SZT2: variants seen among roughly 807,000 people sequenced by gnomAD.
SZT2 encodes the protein KICSTOR complex protein SZT2.
In SZT2, 216 loss-of-function variants were observed where a neutral mutation model predicts 404.2. The ratio of observed to expected loss-of-function variants is 0.53; its 90% CI spans 0.48 to 0.60. The LOEUF (loss-of-function observed/expected upper bound fraction) is 0.60. Ranked by LOEUF, SZT2 falls within the 20% of genes least tolerant of loss-of-function variation. The probability of loss-of-function intolerance (pLI) is 0.00; values close to 1 mark genes in which losing one functional copy is unlikely to be tolerated. For synonymous variants in SZT2, 1,693 were observed against 1,749.9 expected (o/e 0.97, Z 0.81); for missense variants, 3,857 against 4,459.2 (o/e 0.86, Z 3.85).
rs1174635695 is a variant in SZT2 at position 43,446,392 on chromosome 1, A to C, written c.9048A>C (p.Pro3016=). The change falls in exon 65 of 72, where the codon CCA becomes CCC. Residue 3016 remains proline, a synonymous_variant. Transcript: ENST00000634258. ...KQFALECSRI[P]MGQAVNSQLS... ...TTGCCCTGGAATGTTCCCGAATCCC[A>C]ATGGGGCAGGCTGTCAACTCACAGG... is the stretch of plus-strand genomic sequence containing the variant. The C allele has an allele frequency of 6.2e-7, 1 of 1,614,262 alleles. No individual in the cohort carries two copies. Among genetic ancestry groups the C allele is most frequent in the South Asian group, 1.1e-5 (1 of 91,092 alleles).
rs577842594 is a variant in SZT2 at position 43,419,857 on chromosome 1, A to C, written c.1003A>C (p.Asn335His). ...LSTCPEPEPG[N>H]LGLTVYHRAF... is the part of the protein sequence containing the mutation. ...CACTTGTCCTGAGCCGGAGCCAGGC[A>C]ACCTGGGTCTGACTGTCTACCACCG... Residue 335 changes from asparagine (N) to histidine (H), a missense_variant, in exon 8 of 72, where the codon AAC (asparagine) becomes CAC (histidine). Transcript: ENST00000634258. 12 of 1,598,332 alleles carry C rather than the reference A, an allele frequency of 7.5e-6. No homozygotes were observed. The East Asian group carries it at 2.7e-4, about 36-fold the overall frequency.
At chr1:43,449,702 G>T in intron 70 of SZT2, 1 of 295,392 alleles carries the variant, frequency 3.4e-6, no homozygotes, top group Non-Finnish European at 6.7e-6. Context: ...AAATCATCCC[G>T]GGATGGATCA....
intron 4 of SZT2, among the ~76,000 whole-genome samples, chr1:43,414,050 G>C (rs1021539188): frequency 6.6e-6 from 1 of 152,132 alleles, no homozygotes; most frequent in South Asian, 2.1e-4. Context: ...GGGAGGCTGA[G>C]GTGGGTGGAT....
In SZT2 at chr1:43,448,686, C is replaced by T. The variant is rs769107159; in HGVS notation, c.10044C>T (p.Ser3348=). 1.2e-6 allele frequency: 2 copies of T among 1,614,238 alleles called. No individual in the cohort carries two copies. Among genetic ancestry groups the T allele is most frequent in the African/African-American group, 2.7e-5 (2 of 75,062 alleles). ...IKVLLSRFPQ[S]CRHFQSPDLG... ...TTCTCCTAAGCCGCTTCCCCCAGAG[C>T]TGTCGCCATTTCCAAAGCCCAGACT... The change falls in exon 70 of 72, where the codon AGC becomes AGT. Residue 3348 remains serine (S), a synonymous_variant. Transcript: ENST00000634258. The surrounding 1 kb of genome is among the most constrained non-coding windows in gnomAD (Gnocchi z 4.2).
At chr1:43,395,062 A>G (rs1214299357) in intron 1 of SZT2, among the ~76,000 whole-genome samples, 9 of 152,194 alleles carry the variant, frequency 5.9e-5, no homozygotes, top group African/African-American at 2.2e-4. Flanking sequence ...GAGTCAGTCC[A>G]TCATTCAAAA....
rs1656557601 is a variant in SZT2, at chr1:43,452,526, C to G, written c.*2046C>G. On this transcript the variant is annotated 3_prime_UTR_variant, in exon 72 of 72. Coordinates refer to ENST00000634258, the MANE Select transcript of SZT2 (RefSeq NM_001365999.1). ...CCTTTCCCAGACATCTCAGTGTCCA[C>G]CCACCGCCTCCTGCCTCCAGTACTT... 1.5e-6 allele frequency: 1 copy of G among 664,104 alleles called. No homozygotes were observed. The highest frequency in any genetic ancestry group is 1.8e-5 in the African/African-American group (1 of 56,296). The allele number at this position is 664,104 out of a possible 1,614,324, so 41.1% of individuals were successfully genotyped here. A position where few individuals can be genotyped will look rare whatever the true frequency, so the allele number is the denominator to read the frequency against.
In SZT2 at chr1:43,420,644, G is replaced by T; in HGVS notation, c.1262-105G>T. 8.9e-7 allele frequency: 1 copy of T among 1,125,364 alleles called. No homozygotes were observed. The highest frequency in any genetic ancestry group is 1.3e-6 in the Non-Finnish European group (1 of 795,538). The allele number at this position is 1,125,364 out of a possible 1,614,324, so 69.7% of individuals were successfully genotyped here. ...CTGTGGAACCATGCTTGGAACCTTT[G>T]GCAGGACTGGGTTCCATGAGGTAGG... On this transcript the variant is annotated intron_variant, in intron 9 of 71. Coordinates refer to ENST00000634258, the MANE Select transcript of SZT2 (RefSeq NM_001365999.1). This position sits in a 1 kb window ranked among gnomAD's most constrained non-coding sequence, Gnocchi z 5.1.
rs777893030 is a variant in SZT2, at chr1:43,423,148, G to A, written c.2087G>A (p.Arg696Gln). The A allele has an allele frequency of 1.0e-5, 16 of 1,596,898 alleles. No homozygotes were observed. The highest frequency in any genetic ancestry group is 1.2e-5 in the Non-Finnish European group (14 of 1,179,222). The stretch of plus-strand genomic sequence containing the variant: ...ATCCTGCGGCTGCGTTTCCCCCACC[G>A]GGTACAAAGCAAGGAGCCAACGCCC... ...EEILRLRFPH[R>Q]VQSKEPTPKV... The change falls in exon 15 of 72, where the codon CGG (arginine) becomes CAG (glutamine). Residue 696 changes from arginine (R) to glutamine (Q), a missense_variant. This residue lies in a region of SZT2 where 1,725 missense variants were observed against 1,881.0 expected (regional missense o/e 0.92). Coordinates refer to ENST00000634258, the MANE Select transcript of SZT2 (RefSeq NM_001365999.1).
chr1:43,439,588 T>A lies in SZT2; in HGVS notation c.6878-17T>A. On this transcript the variant is annotated splice_polypyrimidine_tract_variant and intron_variant, in intron 49 of 71. Coordinates refer to ENST00000634258, the MANE Select transcript of SZT2 (RefSeq NM_001365999.1). This position sits in a 1 kb window ranked among gnomAD's most constrained non-coding sequence, Gnocchi z 4.2. Reference sequence around the variant, plus strand: ...TGCAAGTCCCAGAGCTGAGCCTTCCTATGGATTTCTACCCAGGGGTTGCCT... The same window carrying A: ...TGCAAGTCCCAGAGCTGAGCCTTCCAATGGATTTCTACCCAGGGGTTGCCT... 1 of 1,613,772 alleles carries A rather than the reference T, an allele frequency of 6.2e-7. No homozygotes were observed. Among genetic ancestry groups the A allele is most frequent in the Non-Finnish European group, 8.5e-7 (1 of 1,179,806 alleles).
intron 1 of SZT2, among the ~76,000 whole-genome samples, chr1:43,392,793 CT>C (rs1266129722): frequency 1.3e-5 from 2 of 152,150 alleles, no homozygotes; most frequent in Admixed American, 6.5e-5. Flanking sequence ...AGTTCTGCCC[CT>C]GGGTGTAATA....
chr1:43,433,012 TCAGA>T lies in SZT2; in HGVS notation c.5630_5633del (p.Asp1877ValfsTer60), dbSNP rs1367454316. On this transcript the variant is annotated frameshift_variant, in exon 40 of 72. Coordinates refer to ENST00000634258, the MANE Select transcript of SZT2 (RefSeq NM_001365999.1). LOFTEE classifies it high-confidence loss of function. ...AGGTTATGATGGTGGCAGCAGTGGC[TCAGA>T]CAGTGAGGGTCCCAATGACACCCTT... 6.2e-7 allele frequency: 1 copy of T among 1,614,086 alleles called. No individual in the cohort carries two copies. Among genetic ancestry groups the T allele is most frequent in the Non-Finnish European group, 8.5e-7 (1 of 1,180,026 alleles).
chr1:43,447,220 G>A (rs375258604), intron 66 of SZT2, 52 bp downstream of exon 66: 9 of 1,553,036 alleles, frequency 5.8e-6, no homozygotes, highest in African/African-American at 1.4e-5. Flanking sequence ...GGCCACAGGT[G>A]CCTCCAGGTC....
At position 43,439,916 on chromosome 1, in the gene SZT2, T is replaced by G; in HGVS notation, c.7078T>G (p.Trp2360Gly). 6.2e-7 allele frequency: 1 copy of G among 1,610,274 alleles called. No individual in the cohort carries two copies. The highest frequency in any genetic ancestry group is 8.5e-7 in the Non-Finnish European group (1 of 1,177,948). Residue 2360 changes from tryptophan (W) to glycine (G), a missense_variant, in exon 51 of 72, where the codon TGG becomes GGG. Physicochemically the swap from Trp to Gly is radical, Grantham distance 184. Transcript: ENST00000634258. This position sits in a 1 kb window ranked among gnomAD's most constrained non-coding sequence, Gnocchi z 4.2. ...NGAPRLRLDV[W>G]EKGNISIVQL... ...GGCCCCACGGCTTCGATTGGATGTGTGGGAAAAGGGGAACATTAGTATTGT... is the reference window on the plus strand; with the variant it reads ...GGCCCCACGGCTTCGATTGGATGTGGGGGAAAAGGGGAACATTAGTATTGT...
rs1488783630 is a variant in SZT2 at position 43,390,044 on chromosome 1, G to C, written c.27+49G>C. On this transcript the variant is annotated intron_variant, in intron 1 of 71. Transcript: ENST00000634258. Reference sequence around the variant, plus strand: ...CTGGGCCCCGAGATCCGAGGGGGAGGGTCCGGCGGGCAGGCGTGGCGTTGG... The same window carrying C: ...CTGGGCCCCGAGATCCGAGGGGGAGCGTCCGGCGGGCAGGCGTGGCGTTGG... 16 of 1,373,222 alleles carry C rather than the reference G, an allele frequency of 1.2e-5. No homozygotes were observed. The Admixed American group carries it at 3.7e-4, about 32-fold the overall frequency. The allele number at this position is 1,373,222 out of a possible 1,614,324, so 85.1% of individuals were successfully genotyped here.
intron 1 of SZT2, among the ~76,000 whole-genome samples, chr1:43,399,489 G>A (rs1238263495): frequency 1.8e-5 from 1 of 54,106 alleles, no homozygotes; most frequent in East Asian, 5.7e-4. Context: ...TTTTTTTTTT[G>A]AGACGGAGTC....
rs751903191 is a variant in SZT2, at chr1:43,451,062, C to T, written c.*582C>T. ...AAGCTCTCCCATCTTCACAGCAACC[C>T]TGGCACTGGCTTCTCAATGGGAGGG... On this transcript the variant is annotated 3_prime_UTR_variant, in exon 72 of 72. Coordinates refer to ENST00000634258, the MANE Select transcript of SZT2 (RefSeq NM_001365999.1). The T allele has an allele frequency of 1.3e-6, 1 of 798,650 alleles. No individual in the cohort carries two copies. Among genetic ancestry groups the T allele is most frequent in the Non-Finnish European group, 2.2e-6 (1 of 450,120 alleles). The allele number at this position is 798,650 out of a possible 1,614,324, so 49.5% of individuals were successfully genotyped here.
In SZT2 at chr1:43,431,072, C is replaced by T. The variant is rs138762270; in HGVS notation, c.4898C>T (p.Ser1633Leu). ...LPLEVELPTA[S>L]DPQHHRSTSE... Reference sequence around the variant, plus strand: ...CTGGAAGTGGAGCTCCCCACGGCCTCGGACCCTCAGCACCACCGGTGTGGC... The same window carrying T: ...CTGGAAGTGGAGCTCCCCACGGCCTTGGACCCTCAGCACCACCGGTGTGGC... The change falls in exon 33 of 72, where the codon TCG becomes TTG. Residue 1633 changes from serine to leucine, a missense_variant. By Grantham distance (145) the Ser-to-Leu change is moderately radical (BLOSUM62 -2). Around this residue, in one of 7 missense-constraint regions of SZT2, gnomAD observed 1,725 missense variants for 1,881.0 expected, o/e 0.92. Transcript: ENST00000634258. The T allele has an allele frequency of 3.2e-3, 5,104 of 1,613,798 alleles. 14 individuals are homozygous for T. The highest frequency in any genetic ancestry group is 3.8e-3 in the Non-Finnish European group (4,474 of 1,179,914).
Position 43,428,440 on chromosome 1 carries a change from G to T in SZT2, c.4120G>T (p.Glu1374Ter). ...TGGGCCCTTCAGCAGCAGCATGGAG[G>T]AGGGTGCTGAACCTCGGGAACGAGC... Reference protein sequence around the residue: ...SPGPFSSSMEEGAEPRERAIL... With the variant: ...SPGPFSSSME Residue 1374 changes from glutamate (E) to a stop codon, truncating the protein, a stop_gained, in exon 28 of 72, where the codon GAG (glutamate) becomes TAG (stop). Transcript: ENST00000634258. LOFTEE classifies it high-confidence loss of function. 6.2e-7 allele frequency: 1 copy of T among 1,614,160 alleles called. No individual in the cohort carries two copies. Among genetic ancestry groups the T allele is most frequent in the Non-Finnish European group, 8.5e-7 (1 of 1,180,016 alleles).
rs754885010 is a variant in SZT2 at position 43,433,164 on chromosome 1, C to T, written c.5778C>T (p.Asp1926=). The stretch of plus-strand genomic sequence containing the variant: ...GGCTCATTGTCCGGGTCCTGCAGGA[C>T]CGTGTGGAAGTGTATGCACATGCAC... ...DFWLIVRVLQ[D]RVEVYAHARS... The change falls in exon 40 of 72, where the codon GAC becomes GAT. Residue 1926 remains aspartate, a synonymous_variant. Coordinates refer to ENST00000634258, the MANE Select transcript of SZT2 (RefSeq NM_001365999.1). 6.2e-7 allele frequency: 1 copy of T among 1,613,974 alleles called. No individual in the cohort carries two copies.
Sources: allele counts gnomAD v4.1 joint callset (sites outside exome capture counted in the v4.1 genomes callset), GRCh38; gene constraint gnomAD v4.1.1; regional missense constraint gnomAD v4.1.1; non-coding constraint Gnocchi (gnomAD v3.1); transcripts MANE v1.5; gene names NCBI Gene and HGNC (gene_info 2026-07-23, HGNC 2026-07-21).